ZNF487: variants seen among roughly 807,000 people sequenced by gnomAD.
ZNF487 encodes KRAB domain only 1.
ZNF487 carries 4 observed loss-of-function variants against 3.0 expected under a neutral mutation model. The observed-to-expected ratio is 1.35, with a 90% CI of 0.66 to 3.08. ZNF487 has a LOEUF of 3.08. ZNF487 is among the 30% of genes most tolerant of loss of function. The pLI is 0.01. For synonymous variants in ZNF487, 55 were observed against 34.6 expected, an observed-to-expected ratio of 1.59 and a Z score of -2.06; for missense variants, 146 against 98.7, an observed-to-expected ratio of 1.48 and a Z score of -2.03.
rs746466033 is a variant in ZNF487, at chr10:43,481,714, G to T, written c.416G>T (p.Cys139Phe). ...AATGTACGTGGGAAATTTCTCCTCT[G>T]TATGAAGCGTGAGAATCCTTATGCC... ...ECNVRGKFLL[C>F]MKRENPYARG... Residue 139 changes from cysteine (C) to phenylalanine (F), a missense_variant, in exon 4 of 4, where the codon TGT (cysteine) becomes TTT (phenylalanine). Transcript: ENST00000437590. The T allele has an allele frequency of 1.4e-6, 1 of 716,286 alleles. No individual in the cohort carries two copies. Among genetic ancestry groups the T allele is most frequent in the South Asian group, 1.5e-5 (1 of 67,472 alleles). The allele number at this position is 716,286 out of a possible 1,614,324, so 44.4% of individuals were successfully genotyped here. A position where few individuals can be genotyped will look rare whatever the true frequency, so the allele number is the denominator to read the frequency against.
intron 1 of ZNF487, among the ~76,000 whole-genome samples, chr10:43,461,885 C>T (rs1173287020): frequency 6.6e-6 from 1 of 152,018 alleles, no homozygotes; most frequent in Non-Finnish European, 1.5e-5. Context: ...ATTTGTCATC[C>T]CCAGGTGGGT....
At chr10:43,504,587 G>T in the ZNF487 span, among the ~76,000 whole-genome samples, 1 of 150,684 alleles carries the variant, frequency 6.6e-6, no homozygotes, top group Non-Finnish European at 1.5e-5. Flanking sequence ...GAGCCACCAT[G>T]CCCGGCACAT....
chr10:43,474,524 C>T (rs1011729558), intron 1 of ZNF487, among the ~76,000 whole-genome samples: 1 of 152,112 alleles, frequency 6.6e-6, no homozygotes, highest in East Asian at 1.9e-4. Flanking sequence ...ATGATCATGC[C>T]TGTGAATGTA....
chr10:43,465,217 G>T (rs1245853968), intron 1 of ZNF487, among the ~76,000 whole-genome samples: 3 of 149,882 alleles, frequency 2.0e-5, no homozygotes, highest in Non-Finnish European at 4.5e-5. Context: ...CCTCCTGGAC[G>T]GGGCGGCTGG....
intron 1 of ZNF487, among the ~76,000 whole-genome samples, chr10:43,458,741 T>C (rs1422297530): frequency 6.6e-6 from 1 of 152,010 alleles, no homozygotes; most frequent in Non-Finnish European, 1.5e-5. Flanking sequence ...CTGCTTGTAA[T>C]TGAGTACTTC....
At chr10:43,514,863 C>T in the ZNF487 span, among the ~76,000 whole-genome samples, 1 of 152,158 alleles carries the variant, frequency 6.6e-6, no homozygotes, top group Non-Finnish European at 1.5e-5. Flanking sequence ...TCTGGGCCCT[C>T]CCAGCTGGGA....
the ZNF487 span, among the ~76,000 whole-genome samples, chr10:43,490,556 C>G: frequency 8.8e-6 from 1 of 114,102 alleles, no homozygotes; most frequent in East Asian, 3.1e-4. Flanking sequence ...GTTGCACGGG[C>G]TGGAGTGCAA....
chr10:43,441,731 T>A (rs758287063), intron 1 of ZNF487, among the ~76,000 whole-genome samples: 45 of 151,878 alleles, frequency 3.0e-4, no homozygotes, highest in Admixed American at 2.0e-4. Flanking sequence ...GGATTATAGG[T>A]GCATGCCACT....
intron 1 of ZNF487, chr10:43,452,199 C>G (rs924277281): frequency 2.0e-5 from 3 of 152,232 alleles, no homozygotes; most frequent in Admixed American, 2.0e-4. Flanking sequence ...TGACTACTGT[C>G]AGCTCTCAAG....
chr10:43,447,942 A>T (rs1839869534), intron 1 of ZNF487, among the ~76,000 whole-genome samples: 1 of 147,140 alleles, frequency 6.8e-6, no homozygotes, highest in African/African-American at 2.5e-5. Flanking sequence ...CCTATCTCTT[A>T]GGGATTACTC....
At chr10:43,473,233 G>A (rs1840970102) in intron 1 of ZNF487, among the ~76,000 whole-genome samples, 1 of 150,070 alleles carries the variant, frequency 6.7e-6, no homozygotes, top group African/African-American at 2.4e-5. Flanking sequence ...TCAGCCTCCC[G>A]AGTAGCCATG....
the ZNF487 span, chr10:43,523,740 G>T: frequency 6.6e-6 from 1 of 152,474 alleles, no homozygotes; most frequent in South Asian, 2.0e-4. Flanking sequence ...TGAATATAAT[G>T]AACAACTAAG....
At chr10:43,472,560 G>A (rs1410526275) in intron 1 of ZNF487, among the ~76,000 whole-genome samples, 1 of 152,138 alleles carries the variant, frequency 6.6e-6, no homozygotes, top group African/African-American at 2.4e-5. Flanking sequence ...TAGAGTACCT[G>A]TGTAGGAAGA....
chr10:43,437,082 G>A (rs953081928), upstream of ZNF487: 2 of 305,332 alleles, frequency 6.6e-6, no homozygotes, highest in East Asian at 1.5e-4. Context: ...CGGGATTCGC[G>A]CAGGCCCCGC....
intron 1 of ZNF487, among the ~76,000 whole-genome samples, chr10:43,449,712 C>T (rs1322497134): frequency 1.3e-5 from 2 of 149,920 alleles, no homozygotes; most frequent in African/African-American, 2.5e-5. Context: ...CTGAGTCTCA[C>T]TCTGTCGCCC....
chr10:43,455,326 T>C lies in ZNF487; in HGVS notation c.-94+18064T>C, dbSNP rs372526122. 3.9e-5 allele frequency among the ~76,000 whole-genome samples: 6 copies of C among 152,308 alleles called. No individual in the cohort carries two copies. In the East Asian group the frequency reaches 5.8e-4, roughly 15 times the overall value. On this transcript the variant is annotated intron_variant, in intron 1 of 3. Transcript: ENST00000437590. ...GCGCACGGCCTAGTTTGCACTTTTA[T>C]TCACCCCCAAATTCTGTGTATTGCA...
At chr10:43,477,749 C>T (rs1318182402) in intron 3 of ZNF487, among the ~76,000 whole-genome samples, 3 of 150,564 alleles carry the variant, frequency 2.0e-5, no homozygotes, top group East Asian at 2.0e-4. Context: ...GTCAGGAGTT[C>T]GAGACCAGCC....
At chr10:43,465,780 T>C (rs1025516821) in intron 1 of ZNF487, among the ~76,000 whole-genome samples, 8 of 152,070 alleles carry the variant, frequency 5.3e-5, no homozygotes, top group African/African-American at 1.9e-4. Context: ...ACTTCCCAGA[T>C]GGGGTGGCCG....
the ZNF487 span, among the ~76,000 whole-genome samples, chr10:43,495,635 C>A: frequency 6.6e-6 from 1 of 152,150 alleles, no homozygotes; most frequent in African/African-American, 2.4e-5. Context: ...GTGGCCATTA[C>A]CTTTTAGATT....
Sources: allele counts gnomAD v4.1 joint callset (sites outside exome capture counted in the v4.1 genomes callset), GRCh38; gene constraint gnomAD v4.1.1; transcripts MANE v1.5; gene names NCBI Gene and HGNC (gene_info 2026-07-23, HGNC 2026-07-21).